Variants in ZNF462 observed in about 807,000 individuals in gnomAD.
ZNF462 encodes zinc finger PBX1-interacting protein.
A neutral mutation model predicts 201.9 loss-of-function variants in ZNF462; 10 were observed. The ratio of observed to expected loss-of-function variants is 0.05; its 90% confidence interval spans 0.03 to 0.08. ZNF462 has a LOEUF of 0.08. Ranked by LOEUF, ZNF462 falls within the 10% of genes least tolerant of loss-of-function variation. The probability of loss-of-function intolerance (pLI) is 1.00; values close to 1 mark genes in which losing one functional copy is unlikely to be tolerated. For missense variants in ZNF462, 2,523 were observed against 3,168.3 expected, an observed-to-expected ratio of 0.80 and a Z score of 4.89; for synonymous variants, 1,227 against 1,193.3, an observed-to-expected ratio of 1.03 and a Z score of -0.58.
At chr9:107,004,061 A>C (rs946174422) in intron 11 of ZNF462, among the ~76,000 whole-genome samples, 4 of 152,220 alleles carry the variant, frequency 2.6e-5, no homozygotes, top group African/African-American at 7.2e-5. Context: ...TTATTTCAAA[A>C]TGAAAAAGTT....
chr9:106,999,437 T>C (rs1490046268), intron 10 of ZNF462, among the ~76,000 whole-genome samples: 3 of 152,180 alleles, frequency 2.0e-5, no homozygotes, highest in Non-Finnish European at 2.9e-5. Flanking sequence ...CAATAAGGTT[T>C]ATTACTTTTT....
At chr9:106,960,235 A>G (rs1831768884) in intron 7 of ZNF462, among the ~76,000 whole-genome samples, 1 of 151,944 alleles carries the variant, frequency 6.6e-6, no homozygotes, top group Non-Finnish European at 1.5e-5. Context: ...TTTCCTCTTG[A>G]TTATCGAATC....
intron 10 of ZNF462, among the ~76,000 whole-genome samples, chr9:106,987,295 C>T (rs111669608): frequency 6.6e-5 from 10 of 152,226 alleles, no homozygotes; most frequent in Admixed American, 3.9e-4. Flanking sequence ...TAGAAGTGTT[C>T]GCTCTTCGTT....
chr9:106,861,654 T>C (rs1350795878), upstream of ZNF462, among the ~76,000 whole-genome samples: 1 of 152,238 alleles, frequency 6.6e-6, no homozygotes, highest in Non-Finnish European at 1.5e-5. Context: ...CCTGACTTGC[T>C]GCATTGATTT....
At position 106,993,674 on chromosome 9, in the gene ZNF462, A is replaced by C. The variant is rs1437291235; in HGVS notation, c.7056+9265A>C. Among the ~76,000 whole-genome samples, 2 of 126,952 alleles carry C rather than the reference A, an allele frequency of 1.6e-5. No homozygotes were observed. Among genetic ancestry groups the C allele is most frequent in the African/African-American group, 3.0e-5 (1 of 33,134 alleles). 83.3% of individuals were successfully genotyped at this position (126,952 alleles called of 152,430 possible). ...TGCATTCTCTGTCCCCCAACATTCT[A>C]CCCCCCAACACACATAGTGAATTAT... is the stretch of plus-strand genomic sequence containing the variant. On this transcript the variant is annotated intron_variant, in intron 10 of 12. Coordinates refer to ENST00000277225, the MANE Select transcript of ZNF462 (RefSeq NM_021224.6). The surrounding 1 kb of genome is among the most constrained non-coding windows in gnomAD (Gnocchi z 4.0).
rs1301878098 is a variant in ZNF462, at chr9:106,929,656, A to G, written c.5744A>G (p.Asn1915Ser). Residue 1915 changes from asparagine to serine, a missense_variant, in exon 3 of 13, where the codon AAT becomes AGT. Asn to Ser is a conservative substitution (Grantham distance 46, BLOSUM62 1). Coordinates refer to ENST00000277225, the MANE Select transcript of ZNF462 (RefSeq NM_021224.6). This position sits in a 1 kb window ranked among gnomAD's most constrained non-coding sequence, Gnocchi z 8.7. ...CTGACCTCACACTTGAACATTCACA[A>G]TGAGGAATTCCAGAAGCGTGCCAAA... Reference protein sequence around the residue: ...AELTSHLNIHNEEFQKRAKRQ... With the variant: ...AELTSHLNIHSEEFQKRAKRQ... The G allele has an allele frequency of 3.7e-6, 6 of 1,614,200 alleles. No homozygotes were observed. The highest frequency in any genetic ancestry group is 1.1e-5 in the South Asian group (1 of 91,080).
intron 10 of ZNF462, among the ~76,000 whole-genome samples, chr9:106,988,212 A>G (rs144194528): frequency 0.022 from 3,287 of 152,250 alleles, 112 homozygotes; most frequent in African/African-American, 0.075. Flanking sequence ...CCTCACAATC[A>G]TGGCAGAAGG....
intron 10 of ZNF462, among the ~76,000 whole-genome samples, chr9:106,987,022 T>C (rs1013634728): frequency 1.3e-5 from 2 of 150,750 alleles, no homozygotes; most frequent in African/African-American, 2.5e-5. Flanking sequence ...GATAGATAGA[T>C]AGATAGATAG....
intron 1 of ZNF462, among the ~76,000 whole-genome samples, chr9:106,922,092 T>C (rs1303595246): frequency 1.3e-5 from 2 of 152,230 alleles, no homozygotes; most frequent in African/African-American, 4.8e-5. Flanking sequence ...GTATTATTAC[T>C]GGACTTTTTT....
chr9:106,908,821 C>A (rs151003457), intron 1 of ZNF462, among the ~76,000 whole-genome samples: 1,781 of 143,130 alleles, frequency 0.012, 29 homozygotes, highest in African/African-American at 0.043. Context: ...GTTCTTACAC[C>A]TTTATTTGGA....
In ZNF462 at chr9:106,964,008, CGTGTGTGTGTGT is replaced by C. The variant is rs111450825; in HGVS notation, c.6428-7974_6428-7963del. Reference sequence around the variant, plus strand: ...TTCTTTTTTAAGGCTAAATAATATTCGTGTGTGTGTGTGTGTGTGTGTGTGTGTGTGTGTTAT... The same window carrying C: ...TTCTTTTTTAAGGCTAAATAATATTCGTGTGTGTGTGTGTGTGTGTGTTAT... On this transcript the variant is annotated intron_variant, in intron 7 of 12. Transcript: ENST00000277225. Among the ~76,000 whole-genome samples the C allele has an allele frequency of 8.7e-3, 1,283 of 146,744 alleles. 8 individuals carry two copies. The highest frequency in any genetic ancestry group is 0.026 in the African/African-American group (1,034 of 40,030).
chr9:106,924,545 A>T lies in ZNF462; in HGVS notation c.633A>T (p.Ser211=), dbSNP rs149654492. The T allele has an allele frequency of 6.2e-7, 1 of 1,614,152 alleles. No homozygotes were observed. The highest frequency in any genetic ancestry group is 1.3e-5 in the African/African-American group (1 of 75,032). ...PMPDPVVPPV[S]LQDPCKELPA... ...CAGACCCTGTGGTTCCGCCCGTATC[A>T]CTGCAGGACCCCTGCAAGGAACTGC... is the stretch of plus-strand genomic sequence containing the variant. Residue 211 remains serine (S), a synonymous_variant, in exon 3 of 13, where the codon TCA becomes TCT. Transcript: ENST00000277225. This position sits in a 1 kb window ranked among gnomAD's most constrained non-coding sequence, Gnocchi z 6.2.
chr9:106,970,034 G>GA lies in ZNF462; in HGVS notation c.6428-1968dup, dbSNP rs1277900218. Among the ~76,000 whole-genome samples the GA allele has an allele frequency of 6.6e-6, 1 of 152,202 alleles. No homozygotes were observed. Among genetic ancestry groups the GA allele is most frequent in the Non-Finnish European group, 1.5e-5 (1 of 68,042 alleles). On this transcript the variant is annotated intron_variant, in intron 7 of 12. Transcript: ENST00000277225. The surrounding 1 kb of genome is among the most constrained non-coding windows in gnomAD (Gnocchi z 4.2). ...ATAGAAAACATCTCAAACAATCCAT[G>GA]AAATGGTAAACAAACCTGCTATTGA...
At chr9:106,937,122 T>G (rs1258623780) in intron 6 of ZNF462, among the ~76,000 whole-genome samples, 1 of 152,172 alleles carries the variant, frequency 6.6e-6, no homozygotes, top group African/African-American at 2.4e-5. Flanking sequence ...AAAGGTAATG[T>G]GTGCTAACCC....
rs1828775402 is a variant in ZNF462 at position 106,895,562 on chromosome 9, A to G, written c.-30-27792A>G. Reference sequence around the variant, plus strand: ...CATTGCCCTGATTAAGGATGATAAGAGATCCCTGTTTCTGTCCGAATGAAG... The same window carrying G: ...CATTGCCCTGATTAAGGATGATAAGGGATCCCTGTTTCTGTCCGAATGAAG... On this transcript the variant is annotated intron_variant, in intron 1 of 12. Transcript: ENST00000277225. The surrounding 1 kb of genome is among the most constrained non-coding windows in gnomAD (Gnocchi z 4.4). Among the ~76,000 whole-genome samples the G allele has an allele frequency of 6.6e-6, 1 of 152,184 alleles. No homozygotes were observed. The highest frequency in any genetic ancestry group is 2.1e-4 in the South Asian group (1 of 4,828).
Position 107,008,645 on chromosome 9 carries a change from G to A in ZNF462, c.7190-900G>A, listed in dbSNP as rs1023615560. ...TGAAACACATATGGGCTAGGAACTC[G>A]GGCTAACACAATGGCCATATAATCT... On this transcript the variant is annotated intron_variant, in intron 11 of 12. Transcript: ENST00000277225. This position sits in a 1 kb window ranked among gnomAD's most constrained non-coding sequence, Gnocchi z 4.8. Among the ~76,000 whole-genome samples, 2 of 152,144 alleles carry A rather than the reference G, an allele frequency of 1.3e-5. No individual in the cohort carries two copies. Among genetic ancestry groups the A allele is most frequent in the African/African-American group, 2.4e-5 (1 of 41,432 alleles).
rs1832171274 is a variant in ZNF462 at position 106,968,240 on chromosome 9, G to A, written c.6428-3765G>A. ...CATCCTCAGCTTCAGCTACCTCACT[G>A]GTAAAATTGAGATGTAAACCCAATT... On this transcript the variant is annotated intron_variant, in intron 7 of 12. Coordinates refer to ENST00000277225, the MANE Select transcript of ZNF462 (RefSeq NM_021224.6). This position sits in a 1 kb window ranked among gnomAD's most constrained non-coding sequence, Gnocchi z 4.0. Among the ~76,000 whole-genome samples the A allele has an allele frequency of 1.3e-5, 2 of 152,206 alleles. No individual in the cohort carries two copies. The highest frequency in any genetic ancestry group is 2.1e-4 in the South Asian group (1 of 4,818).
rs1831484924 is a variant in ZNF462 at position 106,954,374 on chromosome 9, C to T, written c.6427+15267C>T. Among the ~76,000 whole-genome samples, 2 of 152,008 alleles carry T rather than the reference C, an allele frequency of 1.3e-5. No homozygotes were observed. Among genetic ancestry groups the T allele is most frequent in the Admixed American group, 1.3e-4 (2 of 15,258 alleles). On this transcript the variant is annotated intron_variant, in intron 7 of 12. Coordinates refer to ENST00000277225, the MANE Select transcript of ZNF462 (RefSeq NM_021224.6). This position sits in a 1 kb window ranked among gnomAD's most constrained non-coding sequence, Gnocchi z 4.0. The stretch of plus-strand genomic sequence containing the variant: ...TCTTGTGATAACTCACTTACTGTCA[C>T]AAGAATAGCATGGAGGAAACTGTCC...
At position 106,886,187 on chromosome 9, in the gene ZNF462, A is replaced by T. The variant is rs142478442; in HGVS notation, c.-31+22832A>T. Among the ~76,000 whole-genome samples the T allele has an allele frequency of 5.1e-3, 780 of 152,314 alleles. 9 individuals carry two copies. Among genetic ancestry groups the T allele is most frequent in the African/African-American group, 0.018 (760 of 41,564 alleles). On this transcript the variant is annotated intron_variant, in intron 1 of 12. Coordinates refer to ENST00000277225, the MANE Select transcript of ZNF462 (RefSeq NM_021224.6). The surrounding 1 kb of genome is among the most constrained non-coding windows in gnomAD (Gnocchi z 4.6). The stretch of plus-strand genomic sequence containing the variant: ...ACTCATTGAGCACTACTGACTTAGT[A>T]AAAAAGAAAAGTAGGGGTGGGGTGG...
Sources: gnomAD v4.1 joint callset for allele counts (sites outside exome capture counted in the v4.1 genomes callset) on GRCh38, gnomAD v4.1.1 for gene constraint, Gnocchi (gnomAD v3.1) non-coding constraint, MANE v1.5 for transcripts, NCBI Gene and HGNC (gene_info 2026-07-23, HGNC 2026-07-21) for gene names.